ALMS1: variants seen among roughly 807,000 people sequenced by gnomAD.
ALMS1 encodes ALMS1 centrosome and basal body associated protein.
In ALMS1, 271 loss-of-function variants were observed where a neutral mutation model predicts 352.2. That is an observed-to-expected ratio of 0.77 (90% CI 0.70 to 0.85). The LOEUF is 0.85. Among genes scored for constraint, ALMS1 ranks in the 40% least tolerant of loss-of-function variants. The pLI, the probability that ALMS1 is intolerant of heterozygous loss-of-function variation, is 0.00. For synonymous variants in ALMS1, 1,865 were observed against 1,761.2 expected (o/e 1.06, Z -1.48); for missense variants, 5,445 against 4,870.7 (o/e 1.12, Z -3.51).
rs575912893 is a variant in ALMS1, at chr2:73,498,837, G to A, written c.9539+7339G>A. Reference sequence around the variant, plus strand: ...ATTGATGGACACATAGGCTGCTTCCGAATCTTAGCTTACCACAAACACTGC... The same window carrying A: ...ATTGATGGACACATAGGCTGCTTCCAAATCTTAGCTTACCACAAACACTGC... On this transcript the variant is annotated intron_variant, in intron 10 of 22. Transcript: ENST00000613296. Among the ~76,000 whole-genome samples the A allele has an allele frequency of 4.6e-5, 7 of 152,160 alleles. No homozygotes were observed. The South Asian group carries it at 1.2e-3, about 27-fold the overall frequency.
chr2:73,555,595 A>G (rs1674525107), intron 13 of ALMS1, among the ~76,000 whole-genome samples: 1 of 152,188 alleles, frequency 6.6e-6, no homozygotes, highest in Admixed American at 6.5e-5. Context: ...AAGGGAAAAT[A>G]TAATAAATAT....
chr2:73,609,629 T>C lies in ALMS1; in HGVS notation c.*17T>C. 6.2e-7 allele frequency: 1 copy of C among 1,613,170 alleles called. No individual in the cohort carries two copies. The highest frequency in any genetic ancestry group is 8.5e-7 in the Non-Finnish European group (1 of 1,179,126). Reference sequence around the variant, plus strand: ...TGGGACTGACACAAGTTTATTTTCCTCAGAGCCTTGGAATTCTATTTTATG... The same window carrying C: ...TGGGACTGACACAAGTTTATTTTCCCCAGAGCCTTGGAATTCTATTTTATG... On this transcript the variant is annotated 3_prime_UTR_variant, in exon 23 of 23. Coordinates refer to ENST00000613296, the MANE Select transcript of ALMS1 (RefSeq NM_001378454.1).
chr2:73,587,647 A>G (rs987484013), intron 16 of ALMS1, among the ~76,000 whole-genome samples: 1 of 152,192 alleles, frequency 6.6e-6, no homozygotes, highest in African/African-American at 2.4e-5. Context: ...ATGGTGGATT[A>G]TCTTTTTGAT....
intron 9 of ALMS1, among the ~76,000 whole-genome samples, chr2:73,467,921 G>T (rs1036707413): frequency 6.6e-6 from 1 of 152,004 alleles, no homozygotes; most frequent in Non-Finnish European, 1.5e-5. Context: ...TACCTCTGGT[G>T]GAGTCAGGTG....
At position 73,549,883 on chromosome 2, in the gene ALMS1, C is replaced by T. The variant is rs1264403689; in HGVS notation, c.9908-384C>T. Among the ~76,000 whole-genome samples the T allele has an allele frequency of 2.4e-4, 37 of 151,938 alleles. 1 individual carries two copies. The highest frequency in any genetic ancestry group is 5.9e-5 in the Non-Finnish European group (4 of 67,954). ...TGTTTGTTTGTTTGTTTTTTAAGAC[C>T]AAGTCTCACTCTGCCACTCAAGCTG... is the stretch of plus-strand genomic sequence containing the variant. On this transcript the variant is annotated intron_variant, in intron 12 of 22. Coordinates refer to ENST00000613296, the MANE Select transcript of ALMS1 (RefSeq NM_001378454.1).
At chr2:73,581,199 TA>T (rs2104130523) in intron 16 of ALMS1, among the ~76,000 whole-genome samples, 1 of 152,366 alleles carries the variant, frequency 6.6e-6, no homozygotes, top group African/African-American at 2.4e-5. Context: ...CTTGAACTGT[TA>T]ATTTTTGCTC....
chr2:73,510,031 T>C (rs1013214483), intron 10 of ALMS1, among the ~76,000 whole-genome samples: 7 of 152,234 alleles, frequency 4.6e-5, no homozygotes, highest in African/African-American at 1.7e-4. Context: ...TTATGTATGC[T>C]TCTCGAATTT....
intron 10 of ALMS1, among the ~76,000 whole-genome samples, chr2:73,512,675 A>C (rs1376735189): frequency 2.0e-5 from 3 of 152,046 alleles, no homozygotes; most frequent in Non-Finnish European, 1.5e-5. Flanking sequence ...ATTTATTGTT[A>C]CTATTGTAAT....
chr2:73,447,106 A>T (rs192999007), intron 7 of ALMS1, among the ~76,000 whole-genome samples: 1 of 152,294 alleles, frequency 6.6e-6, no homozygotes, highest in East Asian at 1.9e-4. Context: ...GTAAGCATTC[A>T]TGTATTTTGA....
intron 6 of ALMS1, among the ~76,000 whole-genome samples, chr2:73,429,307 G>A (rs145202705): frequency 1.6e-5 from 2 of 128,876 alleles, no homozygotes; most frequent in African/African-American, 6.2e-5. Flanking sequence ...TTGAGGCAGA[G>A]TTTTGCTCTT....
intron 19 of ALMS1, among the ~76,000 whole-genome samples, chr2:73,601,866 A>G (rs1675697822): frequency 1.3e-5 from 2 of 152,220 alleles, no homozygotes; most frequent in African/African-American, 4.8e-5. Flanking sequence ...AATGTTATTA[A>G]TGATGTATTT....
At position 73,609,622 on chromosome 2, in the gene ALMS1, AT is replaced by A; in HGVS notation, c.*14del. ...AGTTCCCTGGGACTGACACAAGTTT[AT>A]TTTCCTCAGAGCCTTGGAATTCTAT... On this transcript the variant is annotated 3_prime_UTR_variant, in exon 23 of 23. Transcript: ENST00000613296. 1.2e-6 allele frequency: 2 copies of A among 1,613,662 alleles called. No homozygotes were observed. Among genetic ancestry groups the A allele is most frequent in the Non-Finnish European group, 1.7e-6 (2 of 1,179,604 alleles).
intron 14 of ALMS1, 62 bp downstream of exon 14, chr2:73,557,416 C>T: frequency 6.2e-7 from 1 of 1,602,268 alleles, no homozygotes; most frequent in Non-Finnish European, 8.5e-7. Flanking sequence ...AGACTATTCC[C>T]TTAAGAACAG....
In ALMS1 at chr2:73,609,568, A is replaced by G. The variant is rs1311655788; in HGVS notation, c.12463A>G (p.Arg4155Gly). 1.9e-6 allele frequency: 3 copies of G among 1,614,144 alleles called. No homozygotes were observed. Among genetic ancestry groups the G allele is most frequent in the Non-Finnish European group, 2.5e-6 (3 of 1,179,988 alleles). Residue 4155 changes from arginine (R) to glycine (G), a missense_variant and splice_region_variant, in exon 23 of 23, where the codon AGA becomes GGA. By Grantham distance (125) the Arg-to-Gly change is moderately radical (BLOSUM62 -2). Coordinates refer to ENST00000613296, the MANE Select transcript of ALMS1 (RefSeq NM_001378454.1). ...TTCCTGCCTTTCTTTTCTTCTACAG[A>G]GAGTGACCAATCAACTTCTGGGGAG... ...YRLRAQLYKK[R>G]VTNQLLGRKV...
chr2:73,449,654 C>G lies in ALMS1; in HGVS notation c.3127C>G (p.Pro1043Ala). The G allele has an allele frequency of 6.2e-7, 1 of 1,614,058 alleles. No homozygotes were observed. ...ACCAGCTGACCAGAAGACTGAGATA[C>G]CAGCAGTACAGTCTAGTTCTTACCC... ...PGPADQKTEI[P>A]AVQSSSYPQR... is the part of the protein sequence containing the mutation. Residue 1043 changes from proline (P) to alanine (A), a missense_variant, in exon 8 of 23, where the codon CCA becomes GCA. By Grantham distance (27) the Pro-to-Ala change is conservative. Transcript: ENST00000613296.
intron 13 of ALMS1, among the ~76,000 whole-genome samples, chr2:73,556,859 C>T (rs556718415): frequency 7.9e-5 from 12 of 152,054 alleles, no homozygotes; most frequent in South Asian, 4.2e-4. Flanking sequence ...TGCACCACGA[C>T]GCCTGCTAGT....
chr2:73,605,982 G>A (rs1675809011), intron 21 of ALMS1, among the ~76,000 whole-genome samples: 1 of 152,120 alleles, frequency 6.6e-6, no homozygotes, highest in Non-Finnish European at 1.5e-5. Flanking sequence ...TATGTAAGCT[G>A]GATTTTTTAA....
chr2:73,517,130 G>A (rs1344039160), intron 10 of ALMS1, among the ~76,000 whole-genome samples: 1 of 151,426 alleles, frequency 6.6e-6, no homozygotes, highest in Non-Finnish European at 1.5e-5. Flanking sequence ...TAGACATACG[G>A]TAGAGACTCA....
At chr2:73,480,298 T>C (rs1331311352) in intron 9 of ALMS1, among the ~76,000 whole-genome samples, 3 of 151,926 alleles carry the variant, frequency 2.0e-5, no homozygotes, top group Non-Finnish European at 2.9e-5. Flanking sequence ...CATTGTTCAA[T>C]TCCCACCTAT....
Sources: gnomAD v4.1 joint callset for allele counts (sites outside exome capture counted in the v4.1 genomes callset) on GRCh38, gnomAD v4.1.1 for gene constraint, MANE v1.5 for transcripts, NCBI Gene and HGNC (gene_info 2026-07-23, HGNC 2026-07-21) for gene names.